The following NFKB2 variants were observed in gnomAD, a reference collection of about 807,000 sequenced individuals.
NFKB2 encodes the protein nuclear factor NF-kappa-B p100 subunit.
In NFKB2, 21 loss-of-function variants were observed where a neutral mutation model predicts 109.3. The observed-to-expected ratio is 0.19, with a 90% CI of 0.14 to 0.28. The LOEUF (loss-of-function observed/expected upper bound fraction) is 0.28, where lower values mean the gene tolerates loss of function less well. Among genes scored for constraint, NFKB2 ranks in the 10% least tolerant of loss-of-function variants. The pLI is 1.00. For synonymous variants in NFKB2, 478 were observed against 489.9 expected (o/e 0.98, Z 0.32); for missense variants, 806 against 1,185.3 (o/e 0.68, Z 4.70).
Position 102,396,900 on chromosome 10 carries a change from C to T in NFKB2, c.244-4C>T. The T allele has an allele frequency of 6.2e-7, 1 of 1,603,002 alleles. No homozygotes were observed. Among genetic ancestry groups the T allele is most frequent in the Non-Finnish European group, 8.5e-7 (1 of 1,170,594 alleles). On this transcript the variant is annotated splice_polypyrimidine_tract_variant and splice_region_variant and intron_variant, in intron 5 of 22. Coordinates refer to ENST00000661543, the MANE Select transcript of NFKB2 (RefSeq NM_001322934.2). The surrounding 1 kb of genome is among the most constrained non-coding windows in gnomAD (Gnocchi z 5.9). The stretch of plus-strand genomic sequence containing the variant: ...CCCTGACTGACAGTCCCTGCCTCTC[C>T]TAGATCTGTAACTACGAGGGACCAG...
chr10:102,395,717 C>A lies in NFKB2; in HGVS notation c.-152C>A. 5 of 596,058 alleles carry A rather than the reference C, an allele frequency of 8.4e-6. No homozygotes were observed. The highest frequency in any genetic ancestry group is 1.5e-5 in the Non-Finnish European group (5 of 333,086). The allele number at this position is 596,058 out of a possible 1,614,324, so 36.9% of individuals were successfully genotyped here. A position where few individuals can be genotyped will look rare whatever the true frequency, so the allele number is the denominator to read the frequency against. ...CCTAAGCTGCTCTAACTTTCCTGCC[C>A]CTTCCCCGGCCAAGCCCAACTCCGG... On this transcript the variant is annotated 5_prime_UTR_variant, in exon 1 of 23. Coordinates refer to ENST00000661543, the MANE Select transcript of NFKB2 (RefSeq NM_001322934.2).
Position 102,398,141 on chromosome 10 carries a change from G to C in NFKB2, c.766+56G>C, listed in dbSNP as rs1258051979. The C allele has an allele frequency of 6.2e-7, 1 of 1,612,006 alleles. No individual in the cohort carries two copies. The highest frequency in any genetic ancestry group is 8.5e-7 in the Non-Finnish European group (1 of 1,178,196). On this transcript the variant is annotated intron_variant, in intron 9 of 22. Coordinates refer to ENST00000661543, the MANE Select transcript of NFKB2 (RefSeq NM_001322934.2). The surrounding 1 kb of genome is among the most constrained non-coding windows in gnomAD (Gnocchi z 6.6). ...GACATCGAGTATAAGACTGGGGCCA[G>C]GGAAGCTCTAGGGTAAATGGCCCCA...
chr10:102,395,694 T>G (rs914649861), upstream of NFKB2: 4 of 578,184 alleles, frequency 6.9e-6, no homozygotes, highest in Non-Finnish European at 9.3e-6. Context: ...GGGACTTTCC[T>G]AAGCTGCTCT....
rs1247064743 is a variant in NFKB2 at position 102,402,492 on chromosome 10, A to C, written c.*116A>C. 9.5e-6 allele frequency: 6 copies of C among 630,282 alleles called. No homozygotes were observed. The highest frequency in any genetic ancestry group is 2.9e-5 in the East Asian group (1 of 34,008). The allele number at this position is 630,282 out of a possible 1,614,324, so 39.0% of individuals were successfully genotyped here. ...CAGTTGGGACAAATAAAGGATTCTC[A>C]TGGGAAGGGGAGGACCCCTCCTTCC... On this transcript the variant is annotated 3_prime_UTR_variant, in exon 23 of 23. Transcript: ENST00000661543.
At position 102,401,588 on chromosome 10, in the gene NFKB2, C is replaced by G; in HGVS notation, c.2293+70C>G. On this transcript the variant is annotated intron_variant, in intron 20 of 22. Coordinates refer to ENST00000661543, the MANE Select transcript of NFKB2 (RefSeq NM_001322934.2). The surrounding 1 kb of genome is among the most constrained non-coding windows in gnomAD (Gnocchi z 4.2). ...ACAGAGGTCTCTTCTCCTTCAGGAC[C>G]TCTGAAGGAGGCCTCCCTTTCTCTA... The G allele has an allele frequency of 1.3e-6, 2 of 1,544,636 alleles. No homozygotes were observed. The highest frequency in any genetic ancestry group is 1.7e-5 in the Admixed American group (1 of 58,478).
chr10:102,399,807 G>T lies in NFKB2; in HGVS notation c.1469+89G>T, dbSNP rs2061195046. On this transcript the variant is annotated intron_variant, in intron 14 of 22. Coordinates refer to ENST00000661543, the MANE Select transcript of NFKB2 (RefSeq NM_001322934.2). ...GGCGGGCTCTGCAGTTTTCGGACAC[G>T]CCAGGCTTCAAGTCCGGCCTCGGTG... 11 of 1,425,824 alleles carry T rather than the reference G, an allele frequency of 7.7e-6. No homozygotes were observed. Among genetic ancestry groups the T allele is most frequent in the South Asian group, 5.9e-5 (4 of 67,598 alleles). 88.3% of individuals were successfully genotyped at this position (1,425,824 alleles called of 1,614,324 possible). A position where few individuals can be genotyped will look rare whatever the true frequency, so the allele number is the denominator to read the frequency against.
chr10:102,398,572 G>C lies in NFKB2; in HGVS notation c.991+49G>C. On this transcript the variant is annotated intron_variant, in intron 11 of 22. Transcript: ENST00000661543. The surrounding 1 kb of genome is among the most constrained non-coding windows in gnomAD (Gnocchi z 6.6). ...GGGTGCTGGCGGGGGGCCAGGCTGGGCTAGAAGAAGGTCCCAAGAGCTAGA... is the reference window on the plus strand; with the variant it reads ...GGGTGCTGGCGGGGGGCCAGGCTGGCCTAGAAGAAGGTCCCAAGAGCTAGA... 1 of 1,609,496 alleles carries C rather than the reference G, an allele frequency of 6.2e-7. No homozygotes were observed.
intron 14 of NFKB2, 130 bp downstream of exon 14, chr10:102,399,848 C>T: frequency 1.5e-6 from 2 of 1,353,476 alleles, no homozygotes; most frequent in Non-Finnish European, 9.8e-7. Flanking sequence ...AAGCTCTGTT[C>T]AAGCTGCTTG....
Position 102,400,774 on chromosome 10 carries a change from C to T in NFKB2, c.1918C>T (p.Leu640=). The T allele has an allele frequency of 6.2e-7, 1 of 1,609,248 alleles. No homozygotes were observed. Among genetic ancestry groups the T allele is most frequent in the Non-Finnish European group, 8.5e-7 (1 of 1,177,526 alleles). Residue 640 remains leucine, a synonymous_variant, in exon 17 of 23, where the codon CTA becomes TTA. Transcript: ENST00000661543. The surrounding 1 kb of genome is among the most constrained non-coding windows in gnomAD (Gnocchi z 6.3). ...GCAGGGGGGACGAACAGCCTTGCAT[C>T]TAGCCACAGAGATGGAGGAGCTGGG... ...ERQGGRTALH[L]ATEMEELGLV... is the part of the protein sequence containing the mutation.
chr10:102,395,619 G>T, upstream of NFKB2: 1 of 458,024 alleles, frequency 2.2e-6, no homozygotes, highest in African/African-American at 1.9e-5. Context: ...CCCGTCGCGA[G>T]GGCGGGGCCA....
At position 102,402,056 on chromosome 10, in the gene NFKB2, C is replaced by A; in HGVS notation, c.2475C>A (p.Gly825=). The change falls in exon 22 of 23, where the codon GGC becomes GGA. Residue 825 remains glycine, a synonymous_variant. Coordinates refer to ENST00000661543, the MANE Select transcript of NFKB2 (RefSeq NM_001322934.2). ...TTCCTCTGTCTTCTCAGCTGGCTGG[C>A]GGGGACCTGGCAGGTCTACTGGAGG... The part of the protein sequence containing the change: ...GSLLRSYELA[G]GDLAGLLEAL... The A allele has an allele frequency of 6.4e-7, 1 of 1,570,226 alleles. No individual in the cohort carries two copies. Among genetic ancestry groups the A allele is most frequent in the Non-Finnish European group, 8.6e-7 (1 of 1,157,002 alleles).
chr10:102,396,199 G>A lies in NFKB2; in HGVS notation c.22-54G>A. ...CTGAAGACTTGGAGATGGGAGGTGG[G>A]GCTGTGGGGGGTGCTGAGAGTCGGA... is the stretch of plus-strand genomic sequence containing the variant. On this transcript the variant is annotated intron_variant, in intron 2 of 22. Coordinates refer to ENST00000661543, the MANE Select transcript of NFKB2 (RefSeq NM_001322934.2). The surrounding 1 kb of genome is among the most constrained non-coding windows in gnomAD (Gnocchi z 5.9). 1 of 1,562,442 alleles carries A rather than the reference G, an allele frequency of 6.4e-7. No homozygotes were observed. The highest frequency in any genetic ancestry group is 1.3e-5 in the African/African-American group (1 of 74,158).
At position 102,398,504 on chromosome 10, in the gene NFKB2, CTAT is replaced by C; in HGVS notation, c.975_977del (p.Tyr326del). The C allele has an allele frequency of 6.2e-7, 1 of 1,614,010 alleles. No individual in the cohort carries two copies. The highest frequency in any genetic ancestry group is 8.5e-7 in the Non-Finnish European group (1 of 1,179,922). On this transcript the variant is annotated inframe_deletion, in exon 11 of 23. Coordinates refer to ENST00000661543, the MANE Select transcript of NFKB2 (RefSeq NM_001322934.2). The surrounding 1 kb of genome is among the most constrained non-coding windows in gnomAD (Gnocchi z 6.6). ...ACGTGTCTGATTCCAAACAGTTCAC[CTAT>C]TACCCTCTGGTGGAAGGTGGAGCTG...
In NFKB2 at chr10:102,398,880, T is replaced by C; in HGVS notation, c.1117+16T>C. On this transcript the variant is annotated intron_variant, in intron 12 of 22. Transcript: ENST00000661543. This position sits in a 1 kb window ranked among gnomAD's most constrained non-coding sequence, Gnocchi z 6.6. ...GCTGGAGGAGGTGAGGGGGTACTGA[T>C]GGAGGGAGGGGTAAAGGTAAGAGAA... 1 of 1,581,052 alleles carries C rather than the reference T, an allele frequency of 6.3e-7. No individual in the cohort carries two copies. Among genetic ancestry groups the C allele is most frequent in the Non-Finnish European group, 8.6e-7 (1 of 1,165,536 alleles).
At position 102,400,369 on chromosome 10, in the gene NFKB2, A is replaced by T; in HGVS notation, c.1676A>T (p.His559Leu). 3.7e-6 allele frequency: 6 copies of T among 1,613,732 alleles called. No individual in the cohort carries two copies. Among genetic ancestry groups the T allele is most frequent in the Non-Finnish European group, 5.1e-6 (6 of 1,179,990 alleles). The change falls in exon 16 of 23, where the codon CAT becomes CTT. Residue 559 changes from histidine to leucine, a missense_variant. By Grantham distance (99) the His-to-Leu change is moderately conservative. Coordinates refer to ENST00000661543, the MANE Select transcript of NFKB2 (RefSeq NM_001322934.2). The surrounding 1 kb of genome is among the most constrained non-coding windows in gnomAD (Gnocchi z 6.3). ...GCAGACCCAGCTCTGCTGGATCGGC[A>T]TGGAGACTCAGCCATGCATCTGGCG... is the stretch of plus-strand genomic sequence containing the variant. ...VGADPALLDRHGDSAMHLALR... is the reference protein window; with the variant it reads ...VGADPALLDRLGDSAMHLALR...
Position 102,398,316 on chromosome 10 carries a change from C to G in NFKB2, c.852+19C>G, listed in dbSNP as rs769240579. ...TAAACAGGTACCCAGGGCTAGGGCC[C>G]GGGCCCGGGCTGGGGGCTAAATTAG... On this transcript the variant is annotated intron_variant, in intron 10 of 22. Transcript: ENST00000661543. This position sits in a 1 kb window ranked among gnomAD's most constrained non-coding sequence, Gnocchi z 6.6. 19 of 1,613,798 alleles carry G rather than the reference C, an allele frequency of 1.2e-5. No homozygotes were observed. The highest frequency in any genetic ancestry group is 1.4e-5 in the Non-Finnish European group (16 of 1,179,878).
Position 102,396,087 on chromosome 10 carries a change from C to T in NFKB2, c.21+107C>T, listed in dbSNP as rs2061105260. Reference sequence around the variant, plus strand: ...TTACACCTGTATGCTCGCAGATGCTCTCAGCCTGCCAGTCTGTCCATCTGT... The same window carrying T: ...TTACACCTGTATGCTCGCAGATGCTTTCAGCCTGCCAGTCTGTCCATCTGT... On this transcript the variant is annotated intron_variant, in intron 2 of 22. Coordinates refer to ENST00000661543, the MANE Select transcript of NFKB2 (RefSeq NM_001322934.2). This position sits in a 1 kb window ranked among gnomAD's most constrained non-coding sequence, Gnocchi z 5.9. 1 of 1,513,626 alleles carries T rather than the reference C, an allele frequency of 6.6e-7. No homozygotes were observed. The highest frequency in any genetic ancestry group is 1.4e-5 in the African/African-American group (1 of 73,176). The allele number at this position is 1,513,626 out of a possible 1,614,324, so 93.8% of individuals were successfully genotyped here.
Position 102,400,275 on chromosome 10 carries a change from C to T in NFKB2, c.1585-3C>T. The stretch of plus-strand genomic sequence containing the variant: ...GCCTGGCTCACCCTGCTTTCATCCC[C>T]AGACGCCCCTGCACCTGGCGGTGAT... On this transcript the variant is annotated splice_polypyrimidine_tract_variant and splice_region_variant and intron_variant, in intron 15 of 22. Coordinates refer to ENST00000661543, the MANE Select transcript of NFKB2 (RefSeq NM_001322934.2). The surrounding 1 kb of genome is among the most constrained non-coding windows in gnomAD (Gnocchi z 6.3). 1 of 1,614,090 alleles carries T rather than the reference C, an allele frequency of 6.2e-7. No individual in the cohort carries two copies. Among genetic ancestry groups the T allele is most frequent in the South Asian group, 1.1e-5 (1 of 91,070 alleles).
Position 102,401,543 on chromosome 10 carries a change from C to T in NFKB2, c.2293+25C>T. On this transcript the variant is annotated intron_variant, in intron 20 of 22. Transcript: ENST00000661543. This position sits in a 1 kb window ranked among gnomAD's most constrained non-coding sequence, Gnocchi z 4.2. ...GGTGAGAAGCATCAGGCATCCCCAG[C>T]CCGACTCCTCTGACTCCTCACAGAG... 6.2e-7 allele frequency: 1 copy of T among 1,609,878 alleles called. No homozygotes were observed.
Sources: allele counts gnomAD v4.1 joint callset, GRCh38; gene constraint gnomAD v4.1.1; non-coding constraint Gnocchi (gnomAD v3.1); transcripts MANE v1.5; gene names NCBI Gene and HGNC (gene_info 2026-07-23, HGNC 2026-07-21).